The following GABRB1 variants were observed in gnomAD, a reference collection of about 807,000 sequenced individuals.
GABRB1 encodes gamma-aminobutyric acid receptor subunit beta-1.
In GABRB1, 17 loss-of-function variants were observed where a neutral mutation model predicts 51.6. That is an observed-to-expected ratio of 0.33 (90% CI 0.23 to 0.49). The LOEUF (loss-of-function observed/expected upper bound fraction) is 0.49. Ranked by LOEUF, GABRB1 falls within the 20% of genes least tolerant of loss-of-function variation. The pLI, the probability that GABRB1 is intolerant of heterozygous loss-of-function variation, is 0.99. For missense variants in GABRB1, 410 were observed against 600.6 expected (o/e 0.68, Z 3.32); for synonymous variants, 247 against 218.9 (o/e 1.13, Z -1.14).
At chr4:47,283,816 G>A (rs1273728239) in intron 4 of GABRB1, among the ~76,000 whole-genome samples, 1 of 152,078 alleles carries the variant, frequency 6.6e-6, no homozygotes, top group African/African-American at 2.4e-5. Flanking sequence ...ACCTGAATAA[G>A]GTCGATGACC....
chr4:47,250,815 G>GCTAT (rs1181288801), intron 4 of GABRB1, among the ~76,000 whole-genome samples: 3 of 152,058 alleles, frequency 2.0e-5, no homozygotes, highest in Non-Finnish European at 4.4e-5. Context: ...TCTTTTTTAA[G>GCTAT]CTATCTATTT....
chr4:47,101,217 G>T (rs1017018653), intron 3 of GABRB1, among the ~76,000 whole-genome samples: 1 of 151,942 alleles, frequency 6.6e-6, no homozygotes, highest in Non-Finnish European at 1.5e-5. Context: ...TTAATGCCCT[G>T]TAAATATTTT....
intron 3 of GABRB1, chr4:47,032,732 G>A (rs1035214049): frequency 1.1e-5 from 8 of 695,882 alleles, no homozygotes; most frequent in Non-Finnish European, 2.2e-5. Context: ...AGTGACTGTT[G>A]CGCCGTGGAT....
At chr4:47,151,203 C>A (rs568077870) in intron 3 of GABRB1, among the ~76,000 whole-genome samples, 1 of 152,036 alleles carries the variant, frequency 6.6e-6, no homozygotes, top group African/African-American at 2.4e-5. Flanking sequence ...TAAGGGATAT[C>A]AGAACTGCTT....
chr4:47,238,792 C>G (rs551183192), intron 4 of GABRB1, among the ~76,000 whole-genome samples: 14 of 152,282 alleles, frequency 9.2e-5, no homozygotes, highest in Admixed American at 7.8e-4. Flanking sequence ...GCTAGAAATT[C>G]TTATGCAACA....
At chr4:47,123,704 T>TC (rs1560545473) in intron 3 of GABRB1, among the ~76,000 whole-genome samples, 14 of 17,856 alleles carry the variant, frequency 7.8e-4, no homozygotes, top group African/African-American at 2.9e-3. Flanking sequence ...ATTATATATA[T>TC]AATATGATAT....
intron 3 of GABRB1, among the ~76,000 whole-genome samples, chr4:47,082,388 T>G (rs1288758907): frequency 6.6e-6 from 1 of 151,984 alleles, no homozygotes; most frequent in Admixed American, 6.6e-5. Flanking sequence ...TTTGAGAAAA[T>G]CAGAAATGAA....
At position 47,031,857 on chromosome 4, in the gene GABRB1, T is replaced by C. The variant is rs928131362; in HGVS notation, c.81-57T>C. Reference sequence around the variant, plus strand: ...GGGGGTAGGTGTGCCTGTATCTTTTTATATGTGCTCACAGTTTGTGCTCAT... The same window carrying C: ...GGGGGTAGGTGTGCCTGTATCTTTTCATATGTGCTCACAGTTTGTGCTCAT... On this transcript the variant is annotated intron_variant, in intron 1 of 8. Coordinates refer to ENST00000295454, the MANE Select transcript of GABRB1 (RefSeq NM_000812.4). 2.6e-6 allele frequency: 4 copies of C among 1,546,576 alleles called. No homozygotes were observed. The African/African-American group carries it at 4.1e-5, about 16-fold the overall frequency.
intron 3 of GABRB1, among the ~76,000 whole-genome samples, chr4:47,144,762 G>A (rs1303031353): frequency 6.6e-6 from 1 of 151,616 alleles, no homozygotes; most frequent in Non-Finnish European, 1.5e-5. Context: ...GCACAGCAAT[G>A]GATTTTAGGG....
chr4:47,246,392 AT>A (rs1721762249), intron 4 of GABRB1, among the ~76,000 whole-genome samples: 1 of 104,234 alleles, frequency 9.6e-6, no homozygotes, highest in African/African-American at 3.6e-5. Context: ...ATATATATAT[AT>A]ATAAAATACC....
chr4:47,363,196 T>C (rs1726867665), intron 5 of GABRB1, among the ~76,000 whole-genome samples: 1 of 152,162 alleles, frequency 6.6e-6, no homozygotes, highest in Non-Finnish European at 1.5e-5. Flanking sequence ...AAATTTATTA[T>C]ACTCACTTTA....
chr4:47,111,869 A>G (rs1298687137), intron 3 of GABRB1, among the ~76,000 whole-genome samples: 3 of 151,976 alleles, frequency 2.0e-5, no homozygotes, highest in Non-Finnish European at 2.9e-5. Flanking sequence ...CAATGCAACA[A>G]TCGTAATGTA....
chr4:47,295,576 C>T (rs924934375), intron 4 of GABRB1, among the ~76,000 whole-genome samples: 25 of 152,168 alleles, frequency 1.6e-4, no homozygotes, highest in Non-Finnish European at 2.2e-4. Context: ...TAAAAAGAAA[C>T]GAACAAAGCC....
intron 3 of GABRB1, among the ~76,000 whole-genome samples, chr4:47,054,104 C>CT (rs149205587): frequency 0.014 from 2,166 of 151,128 alleles, 42 homozygotes; most frequent in African/African-American, 0.05. Context: ...TAAAAAGAGT[C>CT]TTTTTTCCAT....
At chr4:47,309,783 T>C (rs780691002) in intron 4 of GABRB1, among the ~76,000 whole-genome samples, 15 of 152,278 alleles carry the variant, frequency 9.9e-5, no homozygotes, top group South Asian at 2.1e-4. Context: ...TCATTATGGG[T>C]CATTTTTTCT....
intron 4 of GABRB1, among the ~76,000 whole-genome samples, chr4:47,217,581 C>T (rs1720603373): frequency 6.6e-6 from 1 of 151,734 alleles, no homozygotes; most frequent in South Asian, 2.1e-4. Context: ...TTCAGCATTG[C>T]TCCTGTCATC....
chr4:47,242,475 A>G (rs1293045540), intron 4 of GABRB1, among the ~76,000 whole-genome samples: 3 of 152,218 alleles, frequency 2.0e-5, no homozygotes, highest in East Asian at 1.9e-4. Context: ...GTCTTCCACA[A>G]TGGTTGAACT....
Position 47,312,660 on chromosome 4 carries a change from C to T in GABRB1, c.462-7467C>T, listed in dbSNP as rs1267060438. On this transcript the variant is annotated intron_variant, in intron 4 of 8. Transcript: ENST00000295454. Reference sequence around the variant, plus strand: ...AGCATTTTTAGGGGATTTTCTTTCACATTTTTCTTTCATACAGATTCTATT... The same window carrying T: ...AGCATTTTTAGGGGATTTTCTTTCATATTTTTCTTTCATACAGATTCTATT... Among the ~76,000 whole-genome samples, 51 of 152,146 alleles carry T rather than the reference C, an allele frequency of 3.4e-4. 1 individual carries two copies. The highest frequency in any genetic ancestry group is 4.4e-5 in the Non-Finnish European group (3 of 68,016).
At chr4:47,278,397 C>G (rs1423922213) in intron 4 of GABRB1, among the ~76,000 whole-genome samples, 1 of 152,150 alleles carries the variant, frequency 6.6e-6, no homozygotes, top group Non-Finnish European at 1.5e-5. Context: ...ATTAGTCTCT[C>G]TCCTGCCTAG....
Sources: gnomAD v4.1 joint callset for allele counts (sites outside exome capture counted in the v4.1 genomes callset) on GRCh38, gnomAD v4.1.1 for gene constraint, MANE v1.5 for transcripts, NCBI Gene and HGNC (gene_info 2026-07-23, HGNC 2026-07-21) for gene names.